The following CTIF variants were observed in gnomAD, a reference collection of about 807,000 sequenced individuals.
CTIF encodes the protein cap binding complex dependent translation initiation factor, also known as CBP80/20-dependent translation initiation factor.
CTIF carries 21 observed loss-of-function variants against 66.0 expected under a neutral mutation model. The observed-to-expected ratio is 0.32, with a 90% confidence interval of 0.23 to 0.46. The LOEUF (loss-of-function observed/expected upper bound fraction) is 0.46, where lower values mean the gene tolerates loss of function less well. CTIF is among the 20% of genes least tolerant of loss of function. The pLI, the probability that CTIF is intolerant of heterozygous loss-of-function variation, is 1.00. For missense variants in CTIF, 739 were observed against 812.7 expected (o/e 0.91, Z 1.10); for synonymous variants, 345 against 326.4 (o/e 1.06, Z -0.62).
intron 9 of CTIF, among the ~76,000 whole-genome samples, chr18:48,786,492 GGTGACGTT>G (rs1176406227): frequency 5.9e-5 from 9 of 152,310 alleles, no homozygotes; most frequent in African/African-American, 2.2e-4. Flanking sequence ...TGCATGATGG[GGTGACGTT>G]AGAGTTGTTA....
At chr18:48,809,095 C>A (rs546058403) in intron 9 of CTIF, among the ~76,000 whole-genome samples, 137 of 152,210 alleles carry the variant, frequency 9.0e-4, no homozygotes, top group African/African-American at 3.2e-3. Flanking sequence ...TTATAGAATT[C>A]TTGCATATTT....
rs73956955 is a variant in CTIF, at chr18:48,613,826, C to G, written c.-28-5712C>G. ...GGCAGGTCCTGCTGCAGCCCGGGCC[C>G]TCTGTGTCCTCCAGAAAGCCGTGCC... On this transcript the variant is annotated intron_variant, in intron 1 of 11. Transcript: ENST00000256413. 2.8e-3 allele frequency among the ~76,000 whole-genome samples: 428 copies of G among 152,322 alleles called. 1 individual carries two copies. Among genetic ancestry groups the G allele is most frequent in the African/African-American group, 9.9e-3 (411 of 41,560 alleles).
intron 10 of CTIF, among the ~76,000 whole-genome samples, chr18:48,839,019 C>T (rs1341171065): frequency 3.9e-5 from 6 of 152,226 alleles, no homozygotes; most frequent in Non-Finnish European, 7.3e-5. Flanking sequence ...GCTACAGCCC[C>T]GAGGCCATCC....
intron 3 of CTIF, among the ~76,000 whole-genome samples, chr18:48,656,188 A>C (rs1248622578): frequency 2.6e-5 from 4 of 152,188 alleles, no homozygotes; most frequent in African/African-American, 9.7e-5. Context: ...CTTGCAGGGG[A>C]GGGATACGTT....
intron 1 of CTIF, among the ~76,000 whole-genome samples, chr18:48,617,885 GCCCTGCAGCACCTCAGAGCT>G (rs2090426333): frequency 2.6e-5 from 4 of 152,154 alleles, no homozygotes; most frequent in Non-Finnish European, 5.9e-5. Flanking sequence ...CCAGAGCGAG[GCCCTGCAGCACCTCAGAGCT>G]CCCTGCAGCA....
At chr18:48,739,213 T>C (rs73429477) in intron 7 of CTIF, among the ~76,000 whole-genome samples, 4,880 of 152,266 alleles carry the variant, frequency 0.032, 252 homozygotes, top group African/African-American at 0.11. Context: ...CCTCCCGGCA[T>C]AGGAGCCTTC....
chr18:48,612,105 G>C (rs564935434), intron 1 of CTIF, among the ~76,000 whole-genome samples: 1 of 152,216 alleles, frequency 6.6e-6, no homozygotes, highest in African/African-American at 2.4e-5. Context: ...CCTGCACATG[G>C]AGGCCTCTGC....
chr18:48,769,232 G>A (rs1362648690), intron 9 of CTIF, among the ~76,000 whole-genome samples: 1 of 152,202 alleles, frequency 6.6e-6, no homozygotes, highest in African/African-American at 2.4e-5. Context: ...GCACACCCAG[G>A]GATAGAAGCA....
At chr18:48,729,693 T>C (rs1244973857) in intron 7 of CTIF, among the ~76,000 whole-genome samples, 2 of 152,172 alleles carry the variant, frequency 1.3e-5, no homozygotes, top group Non-Finnish European at 2.9e-5. Context: ...CACGTGCTCC[T>C]TTTTCACCCA....
At chr18:48,819,685 A>G (rs1402632561) in intron 10 of CTIF, among the ~76,000 whole-genome samples, 2 of 152,214 alleles carry the variant, frequency 1.3e-5, no homozygotes, top group Non-Finnish European at 2.9e-5. Flanking sequence ...AGACCCATCC[A>G]ATGCTCATGG....
At chr18:48,549,047 GGTA>G (rs1347482951) in intron 1 of CTIF, among the ~76,000 whole-genome samples, 1 of 152,156 alleles carries the variant, frequency 6.6e-6, no homozygotes, top group Non-Finnish European at 1.5e-5. Flanking sequence ...GGTTGTCCTG[GGTA>G]GGTGAGGGCT....
At chr18:48,557,629 T>C (rs138147119) in intron 1 of CTIF, among the ~76,000 whole-genome samples, 1 of 152,372 alleles carries the variant, frequency 6.6e-6, no homozygotes, top group East Asian at 1.9e-4. Context: ...ATAGTCTCTG[T>C]ATTAGTCCGT....
At chr18:48,629,493 A>G (rs2090663717) in intron 2 of CTIF, among the ~76,000 whole-genome samples, 4 of 152,300 alleles carry the variant, frequency 2.6e-5, no homozygotes, top group South Asian at 4.1e-4. Context: ...AGTTCCAGAC[A>G]TGATGCCCCT....
At chr18:48,648,468 AACAC>A (rs150332855) in intron 3 of CTIF, among the ~76,000 whole-genome samples, 2 of 148,468 alleles carry the variant, frequency 1.3e-5, no homozygotes, top group Admixed American at 6.7e-5. Context: ...CTTCGTTCTG[AACAC>A]ACACACACAC....
chr18:48,859,690 G>A lies in CTIF; in HGVS notation c.*131G>A, dbSNP rs1252321404. ...GGGGAGGAGGGCAGGCAGAGTCGGT[G>A]GCCAGTCTGGAGCCAGACGGGGAAG... On this transcript the variant is annotated 3_prime_UTR_variant, in exon 12 of 12. Coordinates refer to ENST00000256413, the MANE Select transcript of CTIF (RefSeq NM_014772.3). The A allele has an allele frequency of 3.6e-6, 3 of 840,778 alleles. No individual in the cohort carries two copies. The highest frequency in any genetic ancestry group is 5.9e-6 in the Non-Finnish European group (3 of 507,940). The allele number at this position is 840,778 out of a possible 1,614,324, so 52.1% of individuals were successfully genotyped here.
chr18:48,773,127 A>G (rs1388630760), intron 9 of CTIF, among the ~76,000 whole-genome samples: 4 of 152,250 alleles, frequency 2.6e-5, no homozygotes, highest in South Asian at 2.1e-4. Flanking sequence ...GTAGAGTTCC[A>G]GGATCAATTA....
chr18:48,675,782 T>C (rs577086575), intron 6 of CTIF, among the ~76,000 whole-genome samples: 8 of 152,282 alleles, frequency 5.3e-5, no homozygotes, highest in Admixed American at 1.3e-4. Context: ...GAACACCCAC[T>C]GGGGTGGGGC....
rs999797069 is a variant in CTIF at position 48,619,481 on chromosome 18, G to A, written c.-28-57G>A. On this transcript the variant is annotated intron_variant, in intron 1 of 11. Coordinates refer to ENST00000256413, the MANE Select transcript of CTIF (RefSeq NM_014772.3). ...AGCAGAGGGTGTTTCTCAGGTGTGG[G>A]CATCGTCGTCTCCTCCAGCAGCGTC... 5 of 1,127,926 alleles carry A rather than the reference G, an allele frequency of 4.4e-6. No homozygotes were observed. In the African/African-American group the frequency reaches 4.8e-5, roughly 11 times the overall value. 69.9% of individuals were successfully genotyped at this position (1,127,926 alleles called of 1,614,324 possible).
intron 9 of CTIF, among the ~76,000 whole-genome samples, chr18:48,781,896 A>G (rs1911266579): frequency 6.6e-6 from 1 of 152,328 alleles, no homozygotes; most frequent in African/African-American, 2.4e-5. Context: ...ACTGCTCTGC[A>G]TAGCACGCAT....
Sources: allele counts gnomAD v4.1 joint callset (sites outside exome capture counted in the v4.1 genomes callset), GRCh38; gene constraint gnomAD v4.1.1; transcripts MANE v1.5; gene names NCBI Gene and HGNC (gene_info 2026-07-23, HGNC 2026-07-21).